ME3: variants seen among roughly 807,000 people sequenced by gnomAD.
The protein encoded by ME3 is malic enzyme 3.
A neutral mutation model predicts 68.9 loss-of-function variants in ME3; 48 were observed. The ratio of observed to expected loss-of-function variants is 0.70; its 90% CI spans 0.55 to 0.89. The LOEUF (loss-of-function observed/expected upper bound fraction) is 0.89. Among genes scored for constraint, ME3 ranks in the 40% least tolerant of loss-of-function variants. ME3 has a pLI of 0.00. For missense variants in ME3, 675 were observed against 797.4 expected, an observed-to-expected ratio of 0.85 and a Z score of 1.85; for synonymous variants, 320 against 318.8, an observed-to-expected ratio of 1.00 and a Z score of -0.04.
chr11:86,525,122 C>A (rs183278985), intron 4 of ME3, among the ~76,000 whole-genome samples: 1 of 152,046 alleles, frequency 6.6e-6, no homozygotes, highest in Non-Finnish European at 1.5e-5. Context: ...AGACTTAGAC[C>A]CAAATTCTAG....
chr11:86,528,978 C>T lies in ME3; in HGVS notation c.468-20111G>A, dbSNP rs567785387. ...AAGCAGGAGCAAACACATTCAAAAGCTAGCAGAAGGCAAGAAATAACTAAG... is the reference window on the plus strand; with the variant it reads ...AAGCAGGAGCAAACACATTCAAAAGTTAGCAGAAGGCAAGAAATAACTAAG... On this transcript the variant is annotated intron_variant, in intron 4 of 14. Coordinates refer to ENST00000543262, the Ensembl canonical transcript of ME3. Among the ~76,000 whole-genome samples, 7 of 152,202 alleles carry T rather than the reference C, an allele frequency of 4.6e-5. No individual in the cohort carries two copies. The South Asian group carries it at 1.5e-3, about 32-fold the overall frequency.
intron 13 of ME3, 148 bp downstream of exon 13, chr11:86,446,166 T>G: frequency 1.2e-6 from 1 of 837,954 alleles, no homozygotes; most frequent in African/African-American, 1.7e-5. Context: ...AAGGTGGCCA[T>G]GAGAGATGCT....
At chr11:86,505,872 C>T (rs904627542) in intron 5 of ME3, among the ~76,000 whole-genome samples, 1 of 152,148 alleles carries the variant, frequency 6.6e-6, no homozygotes, top group Non-Finnish European at 1.5e-5. Context: ...TGGAGGTGGT[C>T]CCAGGCACTC....
chr11:86,448,634 A>T (rs929464249), intron 10 of ME3, among the ~76,000 whole-genome samples: 1 of 152,122 alleles, frequency 6.6e-6, no homozygotes, highest in Non-Finnish European at 1.5e-5. Context: ...AGGGATGGGG[A>T]CCTGTGCCAC....
At chr11:86,526,809 A>T (rs1954790486) in intron 4 of ME3, among the ~76,000 whole-genome samples, 1 of 152,214 alleles carries the variant, frequency 6.6e-6, no homozygotes, top group South Asian at 2.1e-4. Context: ...GAGGGTCCTA[A>T]CTGTTAGAAG....
chr11:86,480,071 G>C (rs1370589189), intron 7 of ME3, among the ~76,000 whole-genome samples: 2 of 152,120 alleles, frequency 1.3e-5, no homozygotes, highest in Non-Finnish European at 1.5e-5. Context: ...CACCTGCCTT[G>C]GCCTCCCAAA....
intron 4 of ME3, among the ~76,000 whole-genome samples, chr11:86,549,126 T>G (rs1380520788): frequency 6.6e-6 from 1 of 152,244 alleles, no homozygotes; most frequent in African/African-American, 2.4e-5. Context: ...ATCCAACCTA[T>G]TCACAAGGGG....
At chr11:86,504,252 A>G (rs1192309600) in intron 5 of ME3, among the ~76,000 whole-genome samples, 1 of 151,816 alleles carries the variant, frequency 6.6e-6, no homozygotes, top group Non-Finnish European at 1.5e-5. Context: ...TGTCTCCCCC[A>G]CTTAGCAGTT....
chr11:86,439,340 G>A (rs1258381152), downstream of ME3, among the ~76,000 whole-genome samples: 1 of 152,092 alleles, frequency 6.6e-6, no homozygotes, highest in East Asian at 1.9e-4. Context: ...ATATAACTTG[G>A]CTTGTGATTT....
chr11:86,558,252 AAGG>A (rs748207830), intron 3 of ME3, among the ~76,000 whole-genome samples: 58 of 152,202 alleles, frequency 3.8e-4, no homozygotes, highest in Non-Finnish European at 8.1e-4. Flanking sequence ...AATTTAACAA[AAGG>A]AGAAGGTTCA....
chr11:86,604,748 A>G (rs1961360611), intron 2 of ME3, among the ~76,000 whole-genome samples: 1 of 152,220 alleles, frequency 6.6e-6, no homozygotes, highest in African/African-American at 2.4e-5. Context: ...CAGCTGACAC[A>G]GTAGTTTGAG....
intron 4 of ME3, among the ~76,000 whole-genome samples, chr11:86,523,443 G>A (rs1343429389): frequency 6.6e-6 from 1 of 152,120 alleles, no homozygotes; most frequent in Non-Finnish European, 1.5e-5. Context: ...AAAACACTAA[G>A]CCCTATAGAA....
exon 7 of ME3, chr11:86,487,411 G>A (rs1951758102): frequency 6.2e-7 from 1 of 1,613,888 alleles, no homozygotes; most frequent in Admixed American, 1.7e-5. Flanking sequence ...GGTGTTTCAG[G>A]CCGATGTACA....
At chr11:86,620,875 A>G (rs940058800) in intron 2 of ME3, among the ~76,000 whole-genome samples, 1 of 152,140 alleles carries the variant, frequency 6.6e-6, no homozygotes, top group Non-Finnish European at 1.5e-5. Flanking sequence ...CAGTTTCCTG[A>G]GGTTTTTAAA....
chr11:86,583,469 T>A (rs952771047), intron 2 of ME3, among the ~76,000 whole-genome samples: 1 of 152,224 alleles, frequency 6.6e-6, no homozygotes, highest in Non-Finnish European at 1.5e-5. Context: ...CTTTGTATAA[T>A]GAAGTATGTC....
rs117544548 is a variant in ME3, at chr11:86,558,332, C to T, written c.317+1358G>A. On this transcript the variant is annotated intron_variant, in intron 3 of 14. Transcript: ENST00000543262. ...TTCATTGTGTAATTTCTGGCTTGCT[C>T]TTCAGAGTGACTTAGCTAGACCCAA... is the stretch of plus-strand genomic sequence containing the variant. Among the ~76,000 whole-genome samples the T allele has an allele frequency of 5.7e-3, 861 of 152,268 alleles. 5 individuals are homozygous for T. The highest frequency in any genetic ancestry group is 8.9e-3 in the Non-Finnish European group (607 of 68,010).
At chr11:86,579,191 A>G (rs1264214164) in intron 2 of ME3, among the ~76,000 whole-genome samples, 1 of 152,132 alleles carries the variant, frequency 6.6e-6, no homozygotes, top group Non-Finnish European at 1.5e-5. Flanking sequence ...GGTATTCTTT[A>G]TACCCTTTCA....
intron 2 of ME3, among the ~76,000 whole-genome samples, chr11:86,625,694 C>G (rs1421773910): frequency 6.6e-6 from 1 of 152,184 alleles, no homozygotes; most frequent in African/African-American, 2.4e-5. Flanking sequence ...TGAAGCCAGC[C>G]TGATGAGACA....
At chr11:86,529,597 A>C in intron 4 of ME3, among the ~76,000 whole-genome samples, 1 of 152,206 alleles carries the variant, frequency 6.6e-6, no homozygotes. Flanking sequence ...ACATCGATGC[A>C]AAATTCCTCA....
Sources: gnomAD v4.1 joint callset for allele counts (sites outside exome capture counted in the v4.1 genomes callset) on GRCh38, gnomAD v4.1.1 for gene constraint, MANE v1.5 for transcripts, NCBI Gene and HGNC (gene_info 2026-07-23, HGNC 2026-07-21) for gene names.